Variants in WWOX observed in about 807,000 individuals in gnomAD.
WWOX encodes the protein WW domain-containing oxidoreductase.
A neutral mutation model predicts 46.2 loss-of-function variants in WWOX; 69 were observed. That is an observed-to-expected ratio of 1.49 (90% CI 1.23 to 1.82). The LOEUF (loss-of-function observed/expected upper bound fraction) is 1.82. Among genes scored for constraint, WWOX ranks in the 40% most tolerant of loss-of-function variants. WWOX has a pLI of 0.00. For missense variants in WWOX, 919 were observed against 542.6 expected (o/e 1.69, Z -6.89); for synonymous variants, 359 against 202.6 (o/e 1.77, Z -6.56).
chr16:78,299,299 C>G (rs1192838879), intron 5 of WWOX, among the ~76,000 whole-genome samples: 2 of 152,190 alleles, frequency 1.3e-5, no homozygotes, highest in East Asian at 3.9e-4. Flanking sequence ...TCCTGCCGTG[C>G]CTGGCCACTT....
At chr16:79,045,454 G>T (rs1313955638) in intron 8 of WWOX, among the ~76,000 whole-genome samples, 1 of 152,134 alleles carries the variant, frequency 6.6e-6, no homozygotes, top group Admixed American at 6.6e-5. Flanking sequence ...CTCAGGAAAT[G>T]GGCAAAGTTG....
chr16:78,413,813 C>G (rs2082736114), intron 6 of WWOX, among the ~76,000 whole-genome samples: 1 of 151,966 alleles, frequency 6.6e-6, no homozygotes, highest in Non-Finnish European at 1.5e-5. Flanking sequence ...TGCATGGGGC[C>G]ACCGTGTTGT....
rs2082074879 is a variant in WWOX, at chr16:78,387,014, A to G, written c.605+66A>G. 2.0e-6 allele frequency: 3 copies of G among 1,488,582 alleles called. No individual in the cohort carries two copies. In the East Asian group the frequency reaches 6.8e-5, roughly 34 times the overall value. 92.2% of individuals were successfully genotyped at this position (1,488,582 alleles called of 1,614,324 possible). A position where few individuals can be genotyped will look rare whatever the true frequency, so the allele number is the denominator to read the frequency against. On this transcript the variant is annotated intron_variant, in intron 6 of 8. Coordinates refer to ENST00000566780, the MANE Select transcript of WWOX (RefSeq NM_016373.4). ...CTATTGTAATATCTTTATCAGATGA[A>G]CACAATTGGGAGAATGCAAGGCTGT... is the stretch of plus-strand genomic sequence containing the variant.
intron 8 of WWOX, among the ~76,000 whole-genome samples, chr16:78,746,389 T>C (rs150528097): frequency 0.012 from 1,786 of 152,238 alleles, 41 homozygotes; most frequent in African/African-American, 0.041. Flanking sequence ...TCTCAGCTAC[T>C]TGGGAGGCTG....
intron 8 of WWOX, among the ~76,000 whole-genome samples, chr16:79,069,981 C>T (rs1193049776): frequency 6.6e-6 from 1 of 152,212 alleles, no homozygotes; most frequent in Non-Finnish European, 1.5e-5. Context: ...AATTAGTATT[C>T]AAGCATTTAG....
chr16:78,790,149 T>G (rs940361995), intron 8 of WWOX, among the ~76,000 whole-genome samples: 3 of 152,208 alleles, frequency 2.0e-5, no homozygotes, highest in African/African-American at 4.8e-5. Context: ...TTTATTTTAT[T>G]TTTTTGGGAC....
intron 4 of WWOX, among the ~76,000 whole-genome samples, chr16:78,132,878 A>T (rs1481250428): frequency 1.3e-5 from 2 of 152,094 alleles, no homozygotes; most frequent in Non-Finnish European, 2.9e-5. Flanking sequence ...GCTCCATTCC[A>T]TTTCCCAGCT....
At position 79,030,642 on chromosome 16, in the gene WWOX, G is replaced by C. The variant is rs567051719; in HGVS notation, c.1057-180966G>C. On this transcript the variant is annotated intron_variant, in intron 8 of 8. Coordinates refer to ENST00000566780, the MANE Select transcript of WWOX (RefSeq NM_016373.4). ...ACACCCTTGTTTTCGTTCAACCTTTGTTTGGCTTTGAAGCATCATGCACTT... is the reference window on the plus strand; with the variant it reads ...ACACCCTTGTTTTCGTTCAACCTTTCTTTGGCTTTGAAGCATCATGCACTT... Among the ~76,000 whole-genome samples, 6 of 152,330 alleles carry C rather than the reference G, an allele frequency of 3.9e-5. 1 individual carries two copies. Among genetic ancestry groups the C allele is most frequent in the South Asian group, 4.1e-4 (2 of 4,822 alleles).
intron 8 of WWOX, among the ~76,000 whole-genome samples, chr16:78,893,122 C>T (rs2044626476): frequency 6.6e-6 from 1 of 151,606 alleles, no homozygotes. Flanking sequence ...GTTACCCACA[C>T]AGAAAAGGAG....
chr16:78,930,667 G>C (rs1048303714), intron 8 of WWOX, among the ~76,000 whole-genome samples: 22 of 150,952 alleles, frequency 1.5e-4, no homozygotes, highest in African/African-American at 4.2e-4. Context: ...GTTAATTGCA[G>C]TTAATCCTAT....
intron 6 of WWOX, among the ~76,000 whole-genome samples, chr16:78,414,063 C>G (rs1244218592): frequency 6.6e-6 from 1 of 151,960 alleles, no homozygotes; most frequent in African/African-American, 2.4e-5. Context: ...CCTAACTGAT[C>G]AGTTGACCTT....
intron 8 of WWOX, among the ~76,000 whole-genome samples, chr16:78,907,598 C>T (rs965875642): frequency 1.3e-5 from 2 of 152,148 alleles, no homozygotes; most frequent in Non-Finnish European, 2.9e-5. Flanking sequence ...AGGTTAAAGG[C>T]AAGATGGGGC....
chr16:78,781,254 C>A (rs1450396754), intron 8 of WWOX, among the ~76,000 whole-genome samples: 1 of 152,116 alleles, frequency 6.6e-6, no homozygotes, highest in Non-Finnish European at 1.5e-5. Flanking sequence ...TGGAACTGGG[C>A]ACTCAGCTAT....
chr16:78,999,261 G>T (rs991781605), intron 8 of WWOX, among the ~76,000 whole-genome samples: 2 of 151,818 alleles, frequency 1.3e-5, no homozygotes, highest in African/African-American at 2.4e-5. Flanking sequence ...ATCTGAGGTC[G>T]GGAGTTCGAG....
At chr16:78,320,404 A>G (rs1053678387) in intron 5 of WWOX, among the ~76,000 whole-genome samples, 4 of 152,210 alleles carry the variant, frequency 2.6e-5, no homozygotes, top group African/African-American at 9.6e-5. Flanking sequence ...TAGACGGTTG[A>G]ACATGACTGA....
intron 5 of WWOX, among the ~76,000 whole-genome samples, chr16:78,353,780 G>C (rs950288379): frequency 8.7e-5 from 5 of 57,342 alleles, no homozygotes; most frequent in Admixed American, 6.2e-4. Context: ...ATCACCTGCA[G>C]GCAGGATCTG....
At chr16:78,276,419 T>G (rs2079579835) in intron 5 of WWOX, among the ~76,000 whole-genome samples, 1 of 152,190 alleles carries the variant, frequency 6.6e-6, no homozygotes, top group Admixed American at 6.5e-5. Context: ...TACAATTTAA[T>G]CAGGCACTGT....
chr16:78,646,393 T>C (rs1050935230), intron 8 of WWOX, among the ~76,000 whole-genome samples: 24 of 152,156 alleles, frequency 1.6e-4, no homozygotes, highest in African/African-American at 5.3e-4. Context: ...TTAGCCCTTC[T>C]TTCCTTAGCC....
chr16:79,113,827 G>A (rs544424065), intron 8 of WWOX, among the ~76,000 whole-genome samples: 5 of 152,330 alleles, frequency 3.3e-5, no homozygotes, highest in African/African-American at 9.6e-5. Context: ...CACCAGATGC[G>A]AAGAGCTAGA....
Sources: allele counts gnomAD v4.1 joint callset (sites outside exome capture counted in the v4.1 genomes callset), GRCh38; gene constraint gnomAD v4.1.1; transcripts MANE v1.5; gene names NCBI Gene and HGNC (gene_info 2026-07-23, HGNC 2026-07-21).